PITPNC1: variants seen among roughly 807,000 people sequenced by gnomAD.
PITPNC1 encodes the protein cytoplasmic phosphatidylinositol transfer protein 1.
PITPNC1 carries 18 observed loss-of-function variants against 44.7 expected under a neutral mutation model. That is an observed-to-expected ratio of 0.40 (90% confidence interval 0.28 to 0.60). The LOEUF (loss-of-function observed/expected upper bound fraction) is 0.60. Among genes scored for constraint, PITPNC1 ranks in the 20% least tolerant of loss-of-function variants. The probability of loss-of-function intolerance (pLI) is 0.39; values close to 1 mark genes in which losing one functional copy is unlikely to be tolerated. For missense variants in PITPNC1, 290 were observed against 418.4 expected (o/e 0.69, Z 2.68); for synonymous variants, 141 against 149.6 (o/e 0.94, Z 0.42).
At chr17:67,635,561 G>A (rs1390853761) in intron 6 of PITPNC1, among the ~76,000 whole-genome samples, 1 of 152,142 alleles carries the variant, frequency 6.6e-6, no homozygotes, top group Non-Finnish European at 1.5e-5. Context: ...GAGAGTATTT[G>A]GCGAATAGGA....
At chr17:67,649,975 C>T (rs752574095) in intron 6 of PITPNC1, among the ~76,000 whole-genome samples, 4 of 152,010 alleles carry the variant, frequency 2.6e-5, no homozygotes, top group Non-Finnish European at 5.9e-5. Context: ...TGTGTTTAAG[C>T]GTTTATGGAG....
rs1405054668 is a variant in PITPNC1, at chr17:67,405,763, G to A, written c.48+27561G>A. ...TGGGATTACAGGCATGCACCACCAC[G>A]CTCAGCTAATTTTTTGTATTTTTAG... On this transcript the variant is annotated intron_variant, in intron 1 of 8. Coordinates refer to ENST00000581322, the MANE Select transcript of PITPNC1 (RefSeq NM_012417.4). Among the ~76,000 whole-genome samples, 5 of 151,690 alleles carry A rather than the reference G, an allele frequency of 3.3e-5. No homozygotes were observed. The East Asian group carries it at 9.8e-4, about 30-fold the overall frequency.
intron 1 of PITPNC1, 45 bp from the exon 2 acceptor site, chr17:67,532,757 G>C: frequency 6.7e-7 from 1 of 1,492,338 alleles, no homozygotes; most frequent in Non-Finnish European, 9.0e-7. Flanking sequence ...GATGTCAGGG[G>C]CACGCTGTGG....
chr17:67,526,362 G>A (rs1045491851), intron 1 of PITPNC1, among the ~76,000 whole-genome samples: 4 of 152,162 alleles, frequency 2.6e-5, no homozygotes, highest in Non-Finnish European at 5.9e-5. Flanking sequence ...GGTATTGTTG[G>A]CACTCATTTG....
At chr17:67,579,109 C>A (rs1227022589) in intron 5 of PITPNC1, among the ~76,000 whole-genome samples, 1 of 152,262 alleles carries the variant, frequency 6.6e-6, no homozygotes, top group Non-Finnish European at 1.5e-5. Flanking sequence ...GGGGGTACCC[C>A]CACAAAATAT....
At chr17:67,590,105 G>T (rs964081015) in intron 5 of PITPNC1, among the ~76,000 whole-genome samples, 1 of 152,118 alleles carries the variant, frequency 6.6e-6, no homozygotes, top group Non-Finnish European at 1.5e-5. Flanking sequence ...ACTACCTCTG[G>T]GAGTATACCT....
intron 6 of PITPNC1, among the ~76,000 whole-genome samples, chr17:67,633,269 A>G (rs1246209133): frequency 6.6e-6 from 1 of 152,212 alleles, no homozygotes; most frequent in African/African-American, 2.4e-5. Flanking sequence ...GTGGACCTTG[A>G]AACTCTTCTC....
At chr17:67,649,067 T>C (rs1031339470) in intron 6 of PITPNC1, among the ~76,000 whole-genome samples, 1 of 152,150 alleles carries the variant, frequency 6.6e-6, no homozygotes, top group Non-Finnish European at 1.5e-5. Context: ...GGTGGGAGGA[T>C]TGCTTGAGCC....
chr17:67,490,017 G>A (rs1332414550), intron 1 of PITPNC1, among the ~76,000 whole-genome samples: 4 of 152,112 alleles, frequency 2.6e-5, no homozygotes, highest in Non-Finnish European at 1.5e-5. Context: ...GATTGCAGGC[G>A]TGAGCCACCA....
intron 6 of PITPNC1, among the ~76,000 whole-genome samples, chr17:67,634,693 C>T (rs779570492): frequency 3.3e-5 from 5 of 151,970 alleles, no homozygotes; most frequent in African/African-American, 4.8e-5. Flanking sequence ...AAGGCAGGTA[C>T]GGGGAGAGAC....
intron 1 of PITPNC1, among the ~76,000 whole-genome samples, chr17:67,427,936 C>G (rs1382145973): frequency 6.6e-6 from 1 of 152,082 alleles, no homozygotes; most frequent in Non-Finnish European, 1.5e-5. Context: ...TAAGGGCATT[C>G]CCCCATTTGT....
intron 1 of PITPNC1, among the ~76,000 whole-genome samples, chr17:67,475,273 C>T (rs937366520): frequency 2.0e-5 from 3 of 152,172 alleles, no homozygotes; most frequent in Non-Finnish European, 4.4e-5. Context: ...TGATTGTTAT[C>T]ACAGTTGGGG....
Position 67,695,290 on chromosome 17 carries a change from ATTTAACCCAGTCATC to A in PITPNC1, c.*2403_*2417del, listed in dbSNP as rs2042991310. On this transcript the variant is annotated 3_prime_UTR_variant, in exon 9 of 9. Transcript: ENST00000581322. ...AAATATTCCTTTAGCTGCTTTGCAT[ATTTAACCCAGTCATC>A]AAAAGGCATAAATGACTTCAATATT... is the stretch of plus-strand genomic sequence containing the variant. 6.6e-6 allele frequency: 1 copy of A among 152,152 alleles called. No individual in the cohort carries two copies. The highest frequency in any genetic ancestry group is 1.5e-5 in the Non-Finnish European group (1 of 68,042). 9.4% of individuals were successfully genotyped at this position (152,152 alleles called of 1,614,324 possible).
intron 1 of PITPNC1, among the ~76,000 whole-genome samples, chr17:67,454,414 T>A (rs66540117): frequency 0.22 from 33,289 of 152,112 alleles, 3,830 homozygotes; most frequent in Middle Eastern, 0.25. Flanking sequence ...TAGTACCTAT[T>A]TCACAGAGTT....
chr17:67,506,802 T>C (rs1159913397), intron 1 of PITPNC1, among the ~76,000 whole-genome samples: 1 of 152,208 alleles, frequency 6.6e-6, no homozygotes, highest in East Asian at 1.9e-4. Context: ...GCTGATAATA[T>C]ATTCAGTTAG....
At chr17:67,383,460 G>A (rs559045592) in intron 1 of PITPNC1, among the ~76,000 whole-genome samples, 1 of 152,298 alleles carries the variant, frequency 6.6e-6, no homozygotes, top group African/African-American at 2.4e-5. Flanking sequence ...TCTAGTTGAA[G>A]GTGGCTGGGG....
intron 1 of PITPNC1, among the ~76,000 whole-genome samples, chr17:67,500,829 G>A (rs893630025): frequency 2.6e-5 from 4 of 151,332 alleles, no homozygotes; most frequent in Non-Finnish European, 4.4e-5. Flanking sequence ...GACCGCAGGC[G>A]CGCACACCAC....
At chr17:67,583,862 A>ATT (rs769634072) in intron 5 of PITPNC1, among the ~76,000 whole-genome samples, 1 of 124,008 alleles carries the variant, frequency 8.1e-6, no homozygotes, top group African/African-American at 3.5e-5. Context: ...CGCCTGGCTA[A>ATT]TTTTGTGTGT....
intron 5 of PITPNC1, among the ~76,000 whole-genome samples, chr17:67,616,871 T>G (rs1484130321): frequency 1.3e-5 from 2 of 152,232 alleles, no homozygotes; most frequent in South Asian, 4.1e-4. Context: ...ACTTCGCAGA[T>G]GAGCCACGCC....
Sources: gnomAD v4.1 joint callset for allele counts (sites outside exome capture counted in the v4.1 genomes callset) on GRCh38, gnomAD v4.1.1 for gene constraint, MANE v1.5 for transcripts, NCBI Gene and HGNC (gene_info 2026-07-23, HGNC 2026-07-21) for gene names.